PLCL2: variants seen among roughly 807,000 people sequenced by gnomAD.
The protein encoded by PLCL2 is phospholipase C like 2, also known as inactive phospholipase C-like protein 2.
PLCL2 carries 4 observed loss-of-function variants against 79.6 expected under a neutral mutation model. The observed-to-expected ratio is 0.05, with a 90% CI of 0.02 to 0.11. The LOEUF is 0.11. Among genes scored for constraint, PLCL2 ranks in the 10% least tolerant of loss-of-function variants. The pLI, the probability that PLCL2 is intolerant of heterozygous loss-of-function variation, is 1.00. For synonymous variants in PLCL2, 484 were observed against 457.7 expected, an observed-to-expected ratio of 1.06 and a Z score of -0.73; for missense variants, 895 against 1,291.0, an observed-to-expected ratio of 0.69 and a Z score of 4.70.
intron 5 of PLCL2, among the ~76,000 whole-genome samples, chr3:17,087,199 T>A (rs560959736): frequency 9.3e-4 from 142 of 152,338 alleles, no homozygotes; most frequent in Non-Finnish European, 1.5e-3. Flanking sequence ...CACAAAAATC[T>A]GCATACAGAT....
intron 1 of PLCL2, among the ~76,000 whole-genome samples, chr3:16,903,210 A>T: frequency 6.6e-6 from 1 of 152,206 alleles, no homozygotes; most frequent in East Asian, 1.9e-4. Context: ...ATCAGTTCTT[A>T]TCCTGGTATC....
chr3:17,042,997 T>G (rs2064741383), intron 4 of PLCL2, 48 bp downstream of exon 4: 1 of 1,227,480 alleles, frequency 8.1e-7, no homozygotes, highest in African/African-American at 1.5e-5. Flanking sequence ...AATAGCATCA[T>G]ATACTTTGCC....
chr3:16,895,554 T>C (rs1696459851), intron 1 of PLCL2, among the ~76,000 whole-genome samples: 1 of 152,226 alleles, frequency 6.6e-6, no homozygotes, highest in Non-Finnish European at 1.5e-5. Context: ...GAGTCTATTT[T>C]GTTACATACA....
At chr3:17,052,764 G>A (rs529050981) in intron 4 of PLCL2, among the ~76,000 whole-genome samples, 1 of 152,192 alleles carries the variant, frequency 6.6e-6, no homozygotes, top group East Asian at 1.9e-4. Flanking sequence ...GAAGACCTTT[G>A]TGATGATCCA....
At chr3:16,915,650 A>T (rs1003698141) in intron 1 of PLCL2, among the ~76,000 whole-genome samples, 1 of 152,124 alleles carries the variant, frequency 6.6e-6, no homozygotes, top group Admixed American at 6.6e-5. Context: ...GTCATTAGGA[A>T]ACTACTTCTC....
intron 1 of PLCL2, among the ~76,000 whole-genome samples, chr3:16,890,094 C>T (rs552934176): frequency 6.6e-6 from 1 of 152,340 alleles, no homozygotes; most frequent in South Asian, 2.1e-4. Context: ...TGTTGAAAGG[C>T]CAAAGCATGG....
intron 5 of PLCL2, among the ~76,000 whole-genome samples, chr3:17,077,406 CA>C (rs1319223192): frequency 6.6e-6 from 1 of 152,178 alleles, no homozygotes; most frequent in Non-Finnish European, 1.5e-5. Flanking sequence ...TATGACTTGC[CA>C]ACATGACTTC....
intron 1 of PLCL2, among the ~76,000 whole-genome samples, chr3:17,000,493 A>G (rs2064197835): frequency 6.6e-6 from 1 of 152,142 alleles, no homozygotes; most frequent in Non-Finnish European, 1.5e-5. Context: ...ATAAAGTATT[A>G]ATGACTATAG....
At chr3:16,903,285 T>C (rs1575520072) in intron 1 of PLCL2, among the ~76,000 whole-genome samples, 1 of 145,256 alleles carries the variant, frequency 6.9e-6, no homozygotes, top group East Asian at 1.9e-4. Flanking sequence ...AAAAAAATTA[T>C]TTTTTATGCC....
intron 1 of PLCL2, among the ~76,000 whole-genome samples, chr3:16,955,881 G>A (rs371656954): frequency 0.012 from 1,742 of 151,354 alleles, 32 homozygotes; most frequent in Admixed American, 0.046. Context: ...TTGATTTTGT[G>A]TCCTGAGACT....
chr3:17,004,698 A>G (rs1441784745), intron 1 of PLCL2, among the ~76,000 whole-genome samples: 1 of 152,080 alleles, frequency 6.6e-6, no homozygotes, highest in South Asian at 2.1e-4. Flanking sequence ...TATTCTTTCA[A>G]TTCAGAGTTA....
In PLCL2 at chr3:16,955,105, A is replaced by C. The variant is rs565149796; in HGVS notation, c.328-54569A>C. ...TTTAGACATGAAGTCCTTGCACATG[A>C]CTACGTCCTGAATGGTAATGCCTAG... On this transcript the variant is annotated intron_variant, in intron 1 of 5. Coordinates refer to ENST00000615277, the MANE Select transcript of PLCL2 (RefSeq NM_001144382.2). Among the ~76,000 whole-genome samples, 7 of 152,310 alleles carry C rather than the reference A, an allele frequency of 4.6e-5. No individual in the cohort carries two copies. The East Asian group carries it at 7.7e-4, about 17-fold the overall frequency.
At chr3:17,044,974 C>T (rs1300290864) in intron 4 of PLCL2, among the ~76,000 whole-genome samples, 1 of 152,128 alleles carries the variant, frequency 6.6e-6, no homozygotes, top group Non-Finnish European at 1.5e-5. Context: ...GTTTAAAGAT[C>T]TTTAGAAGCG....
At chr3:16,971,371 G>T (rs1216111751) in intron 1 of PLCL2, among the ~76,000 whole-genome samples, 1 of 152,094 alleles carries the variant, frequency 6.6e-6, no homozygotes, top group East Asian at 1.9e-4. Flanking sequence ...TCAGATATTT[G>T]TAGATATGCA....
At chr3:17,012,290 T>A in intron 2 of PLCL2, 130 bp downstream of exon 2, 1 of 766,566 alleles carries the variant, frequency 1.3e-6, no homozygotes, top group Non-Finnish European at 2.0e-6. Context: ...GTTCTTAGAA[T>A]GTTTGCCACT....
intron 3 of PLCL2, among the ~76,000 whole-genome samples, chr3:17,032,678 T>G (rs1450327265): frequency 6.6e-6 from 1 of 152,172 alleles, no homozygotes; most frequent in Non-Finnish European, 1.5e-5. Context: ...CAGTGCGCAT[T>G]GGACACACAG....
chr3:16,948,964 A>G (rs921987874), intron 1 of PLCL2, among the ~76,000 whole-genome samples: 3 of 152,236 alleles, frequency 2.0e-5, no homozygotes, highest in Non-Finnish European at 2.9e-5. Flanking sequence ...GCCATAAGCC[A>G]TAAAAGGCAG....
At chr3:16,942,438 A>G (rs1008949621) in intron 1 of PLCL2, among the ~76,000 whole-genome samples, 3 of 152,146 alleles carry the variant, frequency 2.0e-5, no homozygotes, top group African/African-American at 7.2e-5. Context: ...TCCTGCTGGC[A>G]GGCTAGAAAA....
At position 17,010,971 on chromosome 3, in the gene PLCL2, A is replaced by C; in HGVS notation, c.1625A>C (p.Lys542Thr). The C allele has an allele frequency of 6.2e-7, 1 of 1,614,118 alleles. No individual in the cohort carries two copies. The highest frequency in any genetic ancestry group is 8.5e-7 in the Non-Finnish European group (1 of 1,179,986). The change falls in exon 2 of 6, where the codon AAG becomes ACG. Residue 542 changes from lysine to threonine, a missense_variant. This residue lies in a region of PLCL2 where 242 missense variants were observed against 399.5 expected (regional missense o/e 0.61). Transcript: ENST00000615277. The surrounding 1 kb of genome is among the most constrained non-coding windows in gnomAD (Gnocchi z 5.8). The stretch of plus-strand genomic sequence containing the variant: ...CACATGAAGAAACTTTTAGGAGACA[A>C]GCTCTATACAACATCACCCAATGTT... ...VQHMKKLLGD[K>T]LYTTSPNVEE...
Sources: gnomAD v4.1 joint callset for allele counts (sites outside exome capture counted in the v4.1 genomes callset) on GRCh38, gnomAD v4.1.1 for gene constraint, gnomAD v4.1.1 regional missense constraint, Gnocchi (gnomAD v3.1) non-coding constraint, MANE v1.5 for transcripts, NCBI Gene and HGNC (gene_info 2026-07-23, HGNC 2026-07-21) for gene names.